The following AVEN variants were observed in gnomAD, a reference collection of about 807,000 sequenced individuals.
AVEN encodes cell death regulator Aven.
Under a neutral mutation model 38.1 loss-of-function variants are expected in AVEN, and 41 were observed. That is an observed-to-expected ratio of 1.08 (90% confidence interval 0.84 to 1.40). The LOEUF (loss-of-function observed/expected upper bound fraction) is 1.40, where lower values mean the gene tolerates loss of function less well. Among genes scored for constraint, AVEN ranks in the 40% most tolerant of loss-of-function variants. The pLI is 0.00. For synonymous variants in AVEN, 206 were observed against 171.8 expected (o/e 1.20, Z -1.56); for missense variants, 605 against 438.8 (o/e 1.38, Z -3.38).
At chr15:33,864,525 C>T (rs182986327), downstream of AVEN, among the ~76,000 whole-genome samples, 6 of 152,168 alleles carry the variant, frequency 3.9e-5, no homozygotes, top group African/African-American at 7.2e-5. Context: ...CAGAGTACAA[C>T]GGAGTGAGAG....
At position 33,884,371 on chromosome 15, in the gene AVEN, A is replaced by G. The variant is rs576463419; in HGVS notation, c.446-8376T>C. 1.8e-4 allele frequency among the ~76,000 whole-genome samples: 27 copies of G among 152,322 alleles called. No individual in the cohort carries two copies. The East Asian group carries it at 5.0e-3, about 28-fold the overall frequency. ...CCTCTTTTTAGGAAATCACCTCAGGAATTTCCTAAAATTATGCCTATAGTA... is the reference window on the plus strand; with the variant it reads ...CCTCTTTTTAGGAAATCACCTCAGGGATTTCCTAAAATTATGCCTATAGTA... On this transcript the variant is annotated intron_variant, in intron 2 of 5. Transcript: ENST00000306730.
chr15:33,863,369 G>A (rs938559300), downstream of AVEN, among the ~76,000 whole-genome samples: 8 of 152,124 alleles, frequency 5.3e-5, no homozygotes, highest in African/African-American at 1.4e-4. Flanking sequence ...AGGACCTGAC[G>A]CTCTATACAC....
chr15:33,851,792 G>C, the AVEN span: 12 of 152,144 alleles, frequency 7.9e-5, no homozygotes. Context: ...CAGTGTGGCA[G>C]AGAGCGCATG....
At chr15:33,898,183 C>G (rs7402331) in intron 2 of AVEN, among the ~76,000 whole-genome samples, 120,910 of 152,190 alleles carry the variant, frequency 0.79, 52,531 homozygotes, top group East Asian at 0.97. Flanking sequence ...TGCGAGACTC[C>G]GTCTCAAAAC....
chr15:33,899,816 A>G (rs1452713615), intron 2 of AVEN, among the ~76,000 whole-genome samples: 1 of 152,006 alleles, frequency 6.6e-6, no homozygotes, highest in Non-Finnish European at 1.5e-5. Flanking sequence ...CAAAACTTAG[A>G]TTTCTGACTA....
chr15:33,994,200 T>C (rs1896844299), intron 2 of AVEN, among the ~76,000 whole-genome samples: 1 of 152,220 alleles, frequency 6.6e-6, no homozygotes, highest in South Asian at 2.1e-4. Context: ...CATTAGTGCC[T>C]GAGCGCCACC....
Position 33,867,549 on chromosome 15 carries a change from T to G in AVEN, c.919A>C (p.Thr307Pro). The G allele has an allele frequency of 6.2e-7, 1 of 1,612,186 alleles. No individual in the cohort carries two copies. Among genetic ancestry groups the G allele is most frequent in the Non-Finnish European group, 8.5e-7 (1 of 1,179,282 alleles). ...TCCTTGGATTTCAGGTCCTGAGACG[T>G]CTGATCTGGTAAGATGTTATCTCCC... ...KEGDNILPDQ[T>P]SQDLKSKEDG... The change falls in exon 5 of 6, where the codon ACG (threonine) becomes CCG (proline). Residue 307 changes from threonine to proline, a missense_variant. Transcript: ENST00000306730.
chr15:33,972,590 C>T (rs1265804367), intron 2 of AVEN: 1 of 152,148 alleles, frequency 6.6e-6, no homozygotes, highest in African/African-American at 2.4e-5. Context: ...CTTCTGTGTT[C>T]TCTGAAAGTC....
At chr15:34,033,238 G>A (rs1898945956) in intron 1 of AVEN, among the ~76,000 whole-genome samples, 1 of 152,174 alleles carries the variant, frequency 6.6e-6, no homozygotes, top group Non-Finnish European at 1.5e-5. Flanking sequence ...GGGCGCGGTG[G>A]CTCATGTCTG....
chr15:33,967,665 G>GA (rs1895443783), intron 2 of AVEN, among the ~76,000 whole-genome samples: 2 of 151,664 alleles, frequency 1.3e-5, no homozygotes, highest in South Asian at 4.2e-4. Context: ...CTCAGGCAGG[G>GA]AAAAAACGTT....
intron 2 of AVEN, among the ~76,000 whole-genome samples, chr15:33,997,179 G>A (rs191914075): frequency 7.2e-5 from 11 of 152,018 alleles, no homozygotes; most frequent in Non-Finnish European, 1.5e-4. Flanking sequence ...ATAAACAGTA[G>A]GATAGAAAAT....
At chr15:33,903,121 G>A (rs955752300) in intron 2 of AVEN, among the ~76,000 whole-genome samples, 3 of 152,132 alleles carry the variant, frequency 2.0e-5, no homozygotes, top group Admixed American at 6.5e-5. Flanking sequence ...ACATCGGCAC[G>A]TAAATGAGGC....
At chr15:33,945,530 G>A (rs1894472435) in intron 2 of AVEN, among the ~76,000 whole-genome samples, 1 of 152,076 alleles carries the variant, frequency 6.6e-6, no homozygotes, top group Non-Finnish European at 1.5e-5. Context: ...TCTCTGGCAT[G>A]GCACAGGAGC....
intron 5 of AVEN, among the ~76,000 whole-genome samples, chr15:34,058,838 A>T (rs1900243353): frequency 6.6e-6 from 1 of 152,188 alleles, no homozygotes; most frequent in Non-Finnish European, 1.5e-5. Flanking sequence ...GACACAATAT[A>T]ATATACAAAG....
intron 5 of AVEN, among the ~76,000 whole-genome samples, chr15:34,052,043 A>G (rs1165720596): frequency 1.3e-5 from 2 of 152,132 alleles, no homozygotes; most frequent in African/African-American, 4.8e-5. Context: ...GATACAACAA[A>G]AAAAAGAAAA....
At chr15:33,892,420 G>T (rs1486651916) in intron 2 of AVEN, among the ~76,000 whole-genome samples, 1 of 152,114 alleles carries the variant, frequency 6.6e-6, no homozygotes, top group Non-Finnish European at 1.5e-5. Flanking sequence ...GTAAGGAAGG[G>T]ATCCAGTTTC....
At chr15:33,986,654 GT>G (rs1896485171) in intron 2 of AVEN, among the ~76,000 whole-genome samples, 1 of 151,740 alleles carries the variant, frequency 6.6e-6, no homozygotes. Context: ...TCTATATCAG[GT>G]TTTTGTTTTT....
chr15:34,071,386 G>A (rs749363643), intron 1 of AVEN, among the ~76,000 whole-genome samples: 1 of 152,054 alleles, frequency 6.6e-6, no homozygotes, highest in Non-Finnish European at 1.5e-5. Flanking sequence ...TGATACTTCT[G>A]CCTCAGCCTC....
At chr15:33,993,654 A>AAC in intron 2 of AVEN, among the ~76,000 whole-genome samples, 1 of 152,336 alleles carries the variant, frequency 6.6e-6, no homozygotes, top group East Asian at 1.9e-4. Context: ...ATAATTATTA[A>AAC]ACCAACATAA....
Sources: allele counts gnomAD v4.1 joint callset (sites outside exome capture counted in the v4.1 genomes callset), GRCh38; gene constraint gnomAD v4.1.1; transcripts MANE v1.5; gene names NCBI Gene and HGNC (gene_info 2026-07-23, HGNC 2026-07-21).